Variants in DSG4 observed in about 807,000 individuals in gnomAD.
The protein encoded by DSG4 is desmoglein 4, also known as desmoglein-4.
A neutral mutation model predicts 93.1 loss-of-function variants in DSG4; 87 were observed. The observed-to-expected ratio is 0.93, with a 90% CI of 0.79 to 1.12. DSG4 has a LOEUF of 1.12. DSG4 is among the 50% of genes most tolerant of loss of function. The pLI is 0.00. For missense variants in DSG4, 1,373 were observed against 1,285.7 expected, an observed-to-expected ratio of 1.07 and a Z score of -1.04; for synonymous variants, 432 against 452.9, an observed-to-expected ratio of 0.95 and a Z score of 0.59.
At chr18:31,377,590 T>A (rs531073859) in intron 1 of DSG4, among the ~76,000 whole-genome samples, 6 of 152,312 alleles carry the variant, frequency 3.9e-5, no homozygotes, top group African/African-American at 1.4e-4. Flanking sequence ...AAACATGGCA[T>A]CTTGGATATT....
rs527707261 is a variant in DSG4 at position 31,386,779 on chromosome 18, G to A, written c.176G>A (p.Arg59Gln). 47 of 1,613,392 alleles carry A rather than the reference G, an allele frequency of 2.9e-5. No homozygotes were observed. In the East Asian group the frequency reaches 5.6e-4, roughly 19 times the overall value. Reference sequence around the variant, plus strand: ...TGGATCAAGTTTGCCGCAGCCTGTCGAGAAGGAGAGGACAACTCGAAGAGG... The same window carrying A: ...TGGATCAAGTTTGCCGCAGCCTGTCAAGAAGGAGAGGACAACTCGAAGAGG... ...REWIKFAAACREGEDNSKRNP... is the reference protein window; with the variant it reads ...REWIKFAAACQEGEDNSKRNP... The change falls in exon 3 of 16, where the codon CGA (arginine) becomes CAA (glutamine). Residue 59 changes from arginine (R) to glutamine (Q), a missense_variant. Coordinates refer to ENST00000308128, the MANE Select transcript of DSG4 (RefSeq NM_177986.5).
intron 15 of DSG4, among the ~76,000 whole-genome samples, chr18:31,412,042 G>A (rs1280625402): frequency 1.3e-5 from 2 of 152,044 alleles, no homozygotes; most frequent in African/African-American, 4.8e-5. Context: ...CAAAAGAAAG[G>A]AAATCAGTAT....
At chr18:31,384,771 C>T (rs2072169939) in intron 1 of DSG4, among the ~76,000 whole-genome samples, 1 of 152,120 alleles carries the variant, frequency 6.6e-6, no homozygotes. Flanking sequence ...GGGTGAAATG[C>T]TCTTCCTCAT....
chr18:31,402,649 C>T (rs567661869), intron 10 of DSG4, among the ~76,000 whole-genome samples: 7 of 152,062 alleles, frequency 4.6e-5, no homozygotes, highest in South Asian at 4.2e-4. Context: ...ACCCCAGAGA[C>T]GACAACGTTC....
chr18:31,385,238 A>G (rs2144166502), intron 2 of DSG4, 67 bp downstream of exon 2: 1 of 1,104,076 alleles, frequency 9.1e-7, no homozygotes, highest in Non-Finnish European at 1.3e-6. Context: ...GTAATGTATT[A>G]TATATAAAAA....
In DSG4 at chr18:31,406,274, A is replaced by G. The variant is rs1262732755; in HGVS notation, c.1834A>G (p.Thr612Ala). 1.2e-5 allele frequency: 20 copies of G among 1,614,210 alleles called. No homozygotes were observed. Among genetic ancestry groups the G allele is most frequent in the Non-Finnish European group, 1.6e-5 (19 of 1,180,046 alleles). ...CTACACAGAGGACATAACTGGTGAC[A>G]CGTATGGGCCTGTCACTGAAGACCA... ...GIYTEDITGD[T>A]YGPVTEDQAG... is the part of the protein sequence containing the mutation. The change falls in exon 12 of 16, where the codon ACG becomes GCG. Residue 612 changes from threonine (T) to alanine (A), a missense_variant. By Grantham distance (58) the Thr-to-Ala change is moderately conservative. Transcript: ENST00000308128.
At chr18:31,402,992 G>T (rs753794889) in intron 10 of DSG4, among the ~76,000 whole-genome samples, 3 of 152,074 alleles carry the variant, frequency 2.0e-5, no homozygotes, top group African/African-American at 7.2e-5. Context: ...ACAAACACAG[G>T]ACTCAGTGAG....
At chr18:31,396,702 A>G (rs913783970) in intron 8 of DSG4, among the ~76,000 whole-genome samples, 1 of 152,152 alleles carries the variant, frequency 6.6e-6, no homozygotes, top group African/African-American at 2.4e-5. Flanking sequence ...AAGAAGACAA[A>G]TAGCTAGTCT....
chr18:31,413,380 G>T lies in DSG4; in HGVS notation c.2908G>T (p.Ala970Ser). 1 of 1,614,152 alleles carries T rather than the reference G, an allele frequency of 6.2e-7. No homozygotes were observed. Among genetic ancestry groups the T allele is most frequent in the Non-Finnish European group, 8.5e-7 (1 of 1,180,046 alleles). The change falls in exon 16 of 16, where the codon GCT becomes TCT. Residue 970 changes from alanine to serine, a missense_variant. Physicochemically the swap from Ala to Ser is moderately conservative, Grantham distance 99. Transcript: ENST00000308128. Reference sequence around the variant, plus strand: ...TGTAATCTATGCTGAGAGAGTACTGGCTAGTCCTGGTGTGCCTGACATGAG... The same window carrying T: ...TGTAATCTATGCTGAGAGAGTACTGTCTAGTCCTGGTGTGCCTGACATGAG... ...NNVIYAERVLASPGVPDMSNS... is the reference protein window; with the variant it reads ...NNVIYAERVLSSPGVPDMSNS...
intron 5 of DSG4, among the ~76,000 whole-genome samples, chr18:31,389,694 C>T (rs2072227639): frequency 6.6e-6 from 1 of 152,074 alleles, no homozygotes; most frequent in Admixed American, 6.6e-5. Context: ...AGTTTGTTCC[C>T]CAAACCCCTG....
intron 13 of DSG4, 70 bp downstream of exon 13, chr18:31,409,661 A>G: frequency 6.2e-7 from 1 of 1,614,042 alleles, no homozygotes; most frequent in Non-Finnish European, 8.5e-7. Context: ...TAACAATTAC[A>G]TGCTGCACAA....
chr18:31,413,117 G>A lies in DSG4; in HGVS notation c.2645G>A (p.Gly882Glu), dbSNP rs918715204. 6.2e-7 allele frequency: 1 copy of A among 1,614,042 alleles called. No homozygotes were observed. ...GPNYFVNESSGLTPSEVEFQE... is the reference protein window; with the variant it reads ...GPNYFVNESSELTPSEVEFQE... ...AATTACTTTGTTAATGAATCTTCAG[G>A]ATTGACTCCCTCAGAAGTTGAATTC... Residue 882 changes from glycine (G) to glutamate (E), a missense_variant, in exon 16 of 16, where the codon GGA (glycine) becomes GAA (glutamate). Coordinates refer to ENST00000308128, the MANE Select transcript of DSG4 (RefSeq NM_177986.5).
chr18:31,400,826 T>C (rs1251255265), intron 9 of DSG4, 55 bp from the exon 10 acceptor site: 19 of 1,585,270 alleles, frequency 1.2e-5, no homozygotes, highest in South Asian at 9.0e-5. Context: ...TTACATGATT[T>C]AAAAGTACTA....
Position 31,411,466 on chromosome 18 carries a change from A to G in DSG4, c.2355+18A>G. ...TCTCGGAGGTAATGCCCTCACAGTCACACATAAAATCGTCTTGAGATTGAA... is the reference window on the plus strand; with the variant it reads ...TCTCGGAGGTAATGCCCTCACAGTCGCACATAAAATCGTCTTGAGATTGAA... On this transcript the variant is annotated intron_variant, in intron 15 of 15. Coordinates refer to ENST00000308128, the MANE Select transcript of DSG4 (RefSeq NM_177986.5). 6.2e-7 allele frequency: 1 copy of G among 1,611,852 alleles called. No homozygotes were observed.
At chr18:31,390,577 T>C in intron 5 of DSG4, 79 bp from the exon 6 acceptor site, 1 of 1,560,058 alleles carries the variant, frequency 6.4e-7, no homozygotes, top group East Asian at 2.2e-5. Context: ...GGCCAACCAC[T>C]CTGTCTTCTT....
intron 1 of DSG4, among the ~76,000 whole-genome samples, chr18:31,380,095 G>C (rs1197037401): frequency 6.6e-6 from 1 of 151,990 alleles, no homozygotes; most frequent in Non-Finnish European, 1.5e-5. Flanking sequence ...CAGAGTCCAT[G>C]GGGAGAACCT....
At position 31,403,456 on chromosome 18, in the gene DSG4, G is replaced by A; in HGVS notation, c.1458G>A (p.Glu486=). The A allele has an allele frequency of 1.2e-6, 2 of 1,613,714 alleles. No individual in the cohort carries two copies. The highest frequency in any genetic ancestry group is 1.7e-6 in the Non-Finnish European group (2 of 1,179,838). ...CAGCTACAGGAACCATATGTATTGAGGTTCCTGATATCAATGATTATTGTC... is the reference window on the plus strand; with the variant it reads ...CAGCTACAGGAACCATATGTATTGAAGTTCCTGATATCAATGATTATTGTC... ...GKTATGTICI[E]VPDINDYCPN... is the part of the protein sequence containing the mutation. The change falls in exon 11 of 16, where the codon GAG becomes GAA. Residue 486 remains glutamate (E), a synonymous_variant. Transcript: ENST00000308128.
intron 1 of DSG4, among the ~76,000 whole-genome samples, chr18:31,378,210 G>T (rs2072097953): frequency 6.6e-6 from 1 of 152,108 alleles, no homozygotes; most frequent in Admixed American, 6.6e-5. Context: ...AAAAACATAA[G>T]ACGAAGGGCA....
chr18:31,409,662 T>A, intron 13 of DSG4, 71 bp downstream of exon 13: 1 of 1,614,028 alleles, frequency 6.2e-7, no homozygotes, highest in Non-Finnish European at 8.5e-7. Flanking sequence ...AACAATTACA[T>A]GCTGCACAAA....
Sources: allele counts gnomAD v4.1 joint callset (sites outside exome capture counted in the v4.1 genomes callset), GRCh38; gene constraint gnomAD v4.1.1; transcripts MANE v1.5; gene names NCBI Gene and HGNC (gene_info 2026-07-23, HGNC 2026-07-21).